LEPR: variants seen among roughly 807,000 people sequenced by gnomAD.
The protein encoded by LEPR is OB receptor.
In LEPR, 56 loss-of-function variants were observed where a neutral mutation model predicts 114.7. The ratio of observed to expected loss-of-function variants is 0.49; its 90% CI spans 0.39 to 0.61. LEPR has a LOEUF of 0.61. Ranked by LOEUF, LEPR falls within the 20% of genes least tolerant of loss-of-function variation. The pLI is 0.00. For missense variants in LEPR, 1,202 were observed against 1,352.9 expected, an observed-to-expected ratio of 0.89 and a Z score of 1.75; for synonymous variants, 443 against 461.4, an observed-to-expected ratio of 0.96 and a Z score of 0.51.
chr1:65,508,730 A>G (rs1016749838), intron 2 of LEPR, among the ~76,000 whole-genome samples: 3 of 152,168 alleles, frequency 2.0e-5, no homozygotes, highest in Non-Finnish European at 4.4e-5. Context: ...GAAGAATGAC[A>G]TTAGCATTTT....
intron 2 of LEPR, among the ~76,000 whole-genome samples, chr1:65,555,139 C>T (rs1312609071): frequency 6.6e-6 from 1 of 152,174 alleles, no homozygotes; most frequent in Non-Finnish European, 1.5e-5. Flanking sequence ...GAGCTACAGA[C>T]CAGAGCTGTT....
intron 2 of LEPR, among the ~76,000 whole-genome samples, chr1:65,535,900 G>A (rs1650740448): frequency 6.6e-6 from 1 of 151,964 alleles, no homozygotes; most frequent in South Asian, 2.1e-4. Flanking sequence ...CTGCATCTTT[G>A]AGGGACAATT....
chr1:65,589,875 C>T (rs1201404549), intron 5 of LEPR, among the ~76,000 whole-genome samples: 1 of 151,928 alleles, frequency 6.6e-6, no homozygotes, highest in Non-Finnish European at 1.5e-5. Context: ...ATATGTTCTT[C>T]AGTTTCAAAG....
At chr1:65,529,597 C>G (rs965053837) in intron 2 of LEPR, among the ~76,000 whole-genome samples, 3 of 151,684 alleles carry the variant, frequency 2.0e-5, no homozygotes, top group African/African-American at 7.3e-5. Flanking sequence ...TTCCCTGTCT[C>G]CAATTATTCT....
At chr1:65,469,204 G>A (rs998126766) in intron 2 of LEPR, among the ~76,000 whole-genome samples, 2 of 152,126 alleles carry the variant, frequency 1.3e-5, no homozygotes, top group Non-Finnish European at 1.5e-5. Flanking sequence ...TACAGATGAG[G>A]CAGGGCTGTG....
chr1:65,448,339 T>C (rs1005051132), intron 2 of LEPR, among the ~76,000 whole-genome samples: 2 of 152,368 alleles, frequency 1.3e-5, no homozygotes, highest in South Asian at 2.1e-4. Context: ...GATTTTTGAA[T>C]GTTAAACCAG....
At chr1:65,564,083 C>T (rs1305308142) in intron 2 of LEPR, among the ~76,000 whole-genome samples, 1 of 145,654 alleles carries the variant, frequency 6.9e-6, no homozygotes, top group Admixed American at 6.7e-5. Context: ...GGGCTCCACC[C>T]AGTTGGAGCT....
intron 2 of LEPR, chr1:65,434,995 T>G: frequency 2.0e-6 from 2 of 985,498 alleles, no homozygotes; most frequent in Non-Finnish European, 2.4e-6. Flanking sequence ...TTCCCATGAC[T>G]GCTGCACCTG....
chr1:65,602,027 A>G (rs1465792517), intron 10 of LEPR, 67 bp downstream of exon 10: 11 of 1,274,730 alleles, frequency 8.6e-6, no homozygotes, highest in Non-Finnish European at 1.3e-5. Context: ...CTTTAGAAAT[A>G]TTACAACAGT....
intron 5 of LEPR, among the ~76,000 whole-genome samples, chr1:65,579,382 A>G (rs568055008): frequency 3.3e-5 from 5 of 152,302 alleles, no homozygotes; most frequent in African/African-American, 1.2e-4. Flanking sequence ...ATCGAAGGGG[A>G]GCCATTGAAG....
Position 65,633,277 on chromosome 1 carries a change from A to T in LEPR, c.2674-2914A>T. On this transcript the variant is annotated intron_variant, in intron 19 of 19. Transcript: ENST00000349533. The surrounding 1 kb of genome is among the most constrained non-coding windows in gnomAD (Gnocchi z 4.1). The stretch of plus-strand genomic sequence containing the variant: ...GAAGAAGGGGAGCAAATCTAAAAAA[A>T]ATTCAGTTGAACTTCTGAGAGTTAA... 9 of 1,540,356 alleles carry T rather than the reference A, an allele frequency of 5.8e-6. No individual in the cohort carries two copies. Among genetic ancestry groups the T allele is most frequent in the Non-Finnish European group, 7.0e-6 (8 of 1,148,160 alleles).
chr1:65,525,565 C>G (rs921433508), intron 2 of LEPR: 9 of 928,946 alleles, frequency 9.7e-6, no homozygotes, highest in African/African-American at 3.6e-5. Context: ...CTGCGGAGGG[C>G]GCGGGGCGCA....
intron 19 of LEPR, among the ~76,000 whole-genome samples, chr1:65,625,498 T>C (rs1282905017): frequency 6.6e-6 from 1 of 152,168 alleles, no homozygotes; most frequent in Non-Finnish European, 1.5e-5. Context: ...TACTTTTTTT[T>C]TGTACAAATT....
chr1:65,585,667 G>A (rs10443259), intron 5 of LEPR, among the ~76,000 whole-genome samples: 45,410 of 151,560 alleles, frequency 0.3, 7,656 homozygotes, highest in East Asian at 0.83. Flanking sequence ...ATATGTGTAT[G>A]TATACTGGTA....
In LEPR at chr1:65,605,135, C is replaced by A; in HGVS notation, c.1501C>A (p.Gln501Lys). Residue 501 changes from glutamine (Q) to lysine (K), a missense_variant, in exon 11 of 20, where the codon CAG becomes AAG. Coordinates refer to ENST00000349533, the MANE Select transcript of LEPR (RefSeq NM_002303.6). ...QSDGFYECIF[Q>K]PIFLLSGYTM... ...TGATGGTTTTTATGAATGCATTTTCCAGCCAATCTTCCTATTATCTGGCTA... is the reference window on the plus strand; with the variant it reads ...TGATGGTTTTTATGAATGCATTTTCAAGCCAATCTTCCTATTATCTGGCTA... The A allele has an allele frequency of 6.2e-7, 1 of 1,614,026 alleles. No homozygotes were observed. The highest frequency in any genetic ancestry group is 8.5e-7 in the Non-Finnish European group (1 of 1,180,012).
chr1:65,507,461 ATATATATATATACACATATATATG>A (rs1648797483), intron 2 of LEPR, among the ~76,000 whole-genome samples: 1 of 81,856 alleles, frequency 1.2e-5, no homozygotes, highest in East Asian at 2.3e-4. Context: ...GTGTGTGTGT[ATATATATATATACACATATATATG>A]TATATATGTG....
intron 2 of LEPR, among the ~76,000 whole-genome samples, chr1:65,461,906 A>C (rs1397797754): frequency 1.3e-5 from 2 of 152,188 alleles, no homozygotes; most frequent in Non-Finnish European, 2.9e-5. Flanking sequence ...ATCGTGAAAA[A>C]ATCATCAGGC....
At chr1:65,504,078 G>A (rs1156345305) in intron 2 of LEPR, among the ~76,000 whole-genome samples, 2 of 152,132 alleles carry the variant, frequency 1.3e-5, no homozygotes, top group African/African-American at 2.4e-5. Flanking sequence ...GTTCCTAATG[G>A]CCTACGCTGG....
chr1:65,467,918 G>A (rs1228046345), intron 2 of LEPR, among the ~76,000 whole-genome samples: 1 of 152,186 alleles, frequency 6.6e-6, no homozygotes, highest in East Asian at 1.9e-4. Context: ...GGTCAGGAGT[G>A]TACTTTTTCT....
Sources: gnomAD v4.1 joint callset for allele counts (sites outside exome capture counted in the v4.1 genomes callset) on GRCh38, gnomAD v4.1.1 for gene constraint, Gnocchi (gnomAD v3.1) non-coding constraint, MANE v1.5 for transcripts, NCBI Gene and HGNC (gene_info 2026-07-23, HGNC 2026-07-21) for gene names.